UGGT2: variants seen among roughly 807,000 people sequenced by gnomAD.
UGGT2 encodes the protein UDP-glucose:glycoprotein glucosyltransferase 2.
In UGGT2, 180 loss-of-function variants were observed where a neutral mutation model predicts 192.1. The ratio of observed to expected loss-of-function variants is 0.94; its 90% CI spans 0.83 to 1.06. The LOEUF (loss-of-function observed/expected upper bound fraction) is 1.06, where lower values mean the gene tolerates loss of function less well. Among genes scored for constraint, UGGT2 ranks in the 50% least tolerant of loss-of-function variants. The pLI, the probability that UGGT2 is intolerant of heterozygous loss-of-function variation, is 0.00. For missense variants in UGGT2, 1,849 were observed against 1,795.7 expected, an observed-to-expected ratio of 1.03 and a Z score of -0.54; for synonymous variants, 580 against 591.0, an observed-to-expected ratio of 0.98 and a Z score of 0.27.
intron 33 of UGGT2, among the ~76,000 whole-genome samples, chr13:95,858,556 A>G (rs934720940): frequency 2.6e-5 from 4 of 152,142 alleles, no homozygotes; most frequent in Non-Finnish European, 5.9e-5. Context: ...AATAAGTGCT[A>G]TCCACTGTAA....
chr13:95,833,785 A>T (rs540074127), intron 37 of UGGT2, among the ~76,000 whole-genome samples: 1 of 152,322 alleles, frequency 6.6e-6, no homozygotes, highest in African/African-American at 2.4e-5. Context: ...AGCAATATAA[A>T]AAATGGATTT....
intron 10 of UGGT2, among the ~76,000 whole-genome samples, chr13:95,976,119 C>T (rs1415221723): frequency 2.0e-5 from 3 of 152,158 alleles, no homozygotes; most frequent in Non-Finnish European, 2.9e-5. Context: ...CAATAACCAT[C>T]GTTCTACTCT....
chr13:95,997,717 C>G (rs1295402991), intron 6 of UGGT2, among the ~76,000 whole-genome samples: 1 of 152,118 alleles, frequency 6.6e-6, no homozygotes, highest in South Asian at 2.1e-4. Context: ...GCAAAAGGAA[C>G]AGCATATGCT....
Position 95,853,249 on chromosome 13 carries a change from G to A in UGGT2, c.4284+294C>T, listed in dbSNP as rs116943184. Among the ~76,000 whole-genome samples, 15 of 152,238 alleles carry A rather than the reference G, an allele frequency of 9.9e-5. No homozygotes were observed. In the East Asian group the frequency reaches 2.9e-3, roughly 29 times the overall value. On this transcript the variant is annotated intron_variant, in intron 36 of 38. Coordinates refer to ENST00000376747, the MANE Select transcript of UGGT2 (RefSeq NM_020121.4). ...TCCTTTATAAATTACCCAGTCTTGG[G>A]TATATCTTTATTAGCAGTGAGAACG...
intron 1 of UGGT2, among the ~76,000 whole-genome samples, chr13:96,035,558 A>G (rs1271335511): frequency 6.6e-6 from 1 of 152,252 alleles, no homozygotes; most frequent in African/African-American, 2.4e-5. Flanking sequence ...AAAAATTGAC[A>G]AATGAGATCT....
intron 25 of UGGT2, among the ~76,000 whole-genome samples, chr13:95,890,271 T>C (rs2047762009): frequency 6.6e-6 from 1 of 152,204 alleles, no homozygotes; most frequent in African/African-American, 2.4e-5. Flanking sequence ...ACACCTGTAT[T>C]AGTCTTCTCA....
At chr13:95,904,778 C>A (rs2048230202) in intron 20 of UGGT2, among the ~76,000 whole-genome samples, 1 of 152,034 alleles carries the variant, frequency 6.6e-6, no homozygotes, top group Admixed American at 6.5e-5. Context: ...GTCTTTATAG[C>A]ACCATGATTT....
chr13:95,803,726 G>A (rs1884173431), intron 38 of UGGT2, among the ~76,000 whole-genome samples: 1 of 152,114 alleles, frequency 6.6e-6, no homozygotes, highest in Non-Finnish European at 1.5e-5. Context: ...CCTCCCATTT[G>A]GGGAAGGCTC....
chr13:96,011,304 A>G (rs957125384), intron 5 of UGGT2, among the ~76,000 whole-genome samples: 1 of 152,140 alleles, frequency 6.6e-6, no homozygotes, highest in Non-Finnish European at 1.5e-5. Flanking sequence ...AAGATAATTC[A>G]CAAACTGGTA....
intron 26 of UGGT2, among the ~76,000 whole-genome samples, chr13:95,887,688 C>A (rs2047683726): frequency 1.3e-5 from 2 of 152,086 alleles, no homozygotes; most frequent in Non-Finnish European, 2.9e-5. Flanking sequence ...GTAATTAGGT[C>A]AGATCACTTT....
At chr13:95,934,524 T>C (rs2049395806) in intron 17 of UGGT2, among the ~76,000 whole-genome samples, 1 of 151,994 alleles carries the variant, frequency 6.6e-6, no homozygotes. Flanking sequence ...CATGTACCAA[T>C]ATTAACCTTG....
In UGGT2 at chr13:95,887,928, T is replaced by C; in HGVS notation, c.3002A>G (p.Asn1001Ser). ...GGCTTCTGAAAGCCTGCCCCTACAG[T>C]TCATGAACAACTTTATCTTCATGTT... ...IINMKIKLFMNCRGRLSEAPL... is the reference protein window; with the variant it reads ...IINMKIKLFMSCRGRLSEAPL... The change falls in exon 26 of 39, where the codon AAC becomes AGC. Residue 1001 changes from asparagine to serine, a missense_variant. Coordinates refer to ENST00000376747, the MANE Select transcript of UGGT2 (RefSeq NM_020121.4). The C allele has an allele frequency of 6.2e-7, 1 of 1,604,332 alleles. No homozygotes were observed. The highest frequency in any genetic ancestry group is 8.5e-7 in the Non-Finnish European group (1 of 1,174,810).
At chr13:96,013,585 A>T (rs2052235134) in intron 4 of UGGT2, 104 bp from the exon 5 acceptor site, 2 of 724,446 alleles carry the variant, frequency 2.8e-6, no homozygotes, top group Non-Finnish European at 3.9e-6. Context: ...ATACATAATC[A>T]CAGAAAAAGA....
At chr13:95,863,414 A>G (rs1890341779) in intron 31 of UGGT2, 1 of 402,450 alleles carries the variant, frequency 2.5e-6, no homozygotes, top group African/African-American at 2.0e-5. Context: ...TGGATATATA[A>G]TTTTTCTCCA....
intron 17 of UGGT2, among the ~76,000 whole-genome samples, chr13:95,928,274 C>T (rs1278148155): frequency 1.5e-4 from 22 of 151,112 alleles, no homozygotes; most frequent in African/African-American, 2.2e-4. Flanking sequence ...ACCTCCTGGA[C>T]GGGGCGGCTG....
intron 10 of UGGT2, among the ~76,000 whole-genome samples, chr13:95,976,457 T>C (rs2050940448): frequency 6.6e-6 from 1 of 152,200 alleles, no homozygotes; most frequent in African/African-American, 2.4e-5. Context: ...TCCTGGATCA[T>C]ATGGTAATTC....
intron 29 of UGGT2, among the ~76,000 whole-genome samples, chr13:95,867,987 T>C (rs1274818007): frequency 6.6e-6 from 1 of 152,188 alleles, no homozygotes; most frequent in Non-Finnish European, 1.5e-5. Context: ...ATTTTCAAAA[T>C]TGCTTAAACA....
At chr13:95,921,213 G>T (rs182637432) in intron 20 of UGGT2, among the ~76,000 whole-genome samples, 1 of 152,120 alleles carries the variant, frequency 6.6e-6, no homozygotes, top group East Asian at 1.9e-4. Flanking sequence ...GTGTGGGGAG[G>T]GAGAGCATCA....
At chr13:95,971,131 G>C (rs1184110107) in intron 11 of UGGT2, among the ~76,000 whole-genome samples, 2 of 152,264 alleles carry the variant, frequency 1.3e-5, no homozygotes, top group African/African-American at 4.8e-5. Flanking sequence ...GCATGTTATT[G>C]GTTCTCCACA....
Sources: allele counts gnomAD v4.1 joint callset (sites outside exome capture counted in the v4.1 genomes callset), GRCh38; gene constraint gnomAD v4.1.1; transcripts MANE v1.5; gene names NCBI Gene and HGNC (gene_info 2026-07-23, HGNC 2026-07-21).